DLG2: variants seen among roughly 807,000 people sequenced by gnomAD.
DLG2 encodes disks large homolog 2.
DLG2 carries 45 observed loss-of-function variants against 132.5 expected under a neutral mutation model. The ratio of observed to expected loss-of-function variants is 0.34; its 90% CI spans 0.27 to 0.44. DLG2 has a LOEUF of 0.44. DLG2 is among the 20% of genes least tolerant of loss of function. The pLI is 1.00. For missense variants in DLG2, 1,045 were observed against 1,196.9 expected (o/e 0.87, Z 1.87); for synonymous variants, 424 against 419.6 (o/e 1.01, Z -0.13).
intron 18 of DLG2, among the ~76,000 whole-genome samples, chr11:83,700,008 C>T (rs1178057007): frequency 1.3e-5 from 2 of 151,030 alleles, no homozygotes; most frequent in African/African-American, 2.4e-5. Flanking sequence ...CAGAAAGATA[C>T]ACAAAAACCT....
chr11:83,971,024 A>C (rs567938905), intron 12 of DLG2, among the ~76,000 whole-genome samples: 2 of 152,332 alleles, frequency 1.3e-5, no homozygotes, highest in South Asian at 2.1e-4. Context: ...AACTCTCAAG[A>C]TAAAGGGCCT....
intron 7 of DLG2, among the ~76,000 whole-genome samples, chr11:84,454,751 T>G (rs2099060907): frequency 6.6e-6 from 1 of 151,504 alleles, no homozygotes; most frequent in African/African-American, 2.4e-5. Context: ...ACATTTTGCA[T>G]GATTCCATTT....
At chr11:84,936,161 C>A (rs1030827066) in intron 6 of DLG2, among the ~76,000 whole-genome samples, 1 of 152,088 alleles carries the variant, frequency 6.6e-6, no homozygotes, top group African/African-American at 2.4e-5. Context: ...GCCTACGATA[C>A]TGTATAAGTG....
At chr11:85,024,750 T>C (rs2060373304) in intron 6 of DLG2, among the ~76,000 whole-genome samples, 1 of 152,210 alleles carries the variant, frequency 6.6e-6, no homozygotes, top group African/African-American at 2.4e-5. Context: ...TGGAATTCTG[T>C]CCTTTCTGCA....
At chr11:84,553,907 A>G (rs1442117675) in intron 6 of DLG2, among the ~76,000 whole-genome samples, 1 of 152,212 alleles carries the variant, frequency 6.6e-6, no homozygotes, top group Admixed American at 6.5e-5. Flanking sequence ...TTGAAAGATA[A>G]ATGATAAAGT....
intron 16 of DLG2, among the ~76,000 whole-genome samples, chr11:83,837,194 G>C (rs1373290087): frequency 1.3e-5 from 2 of 152,120 alleles, no homozygotes; most frequent in African/African-American, 4.8e-5. Context: ...CACTGTGCAG[G>C]GGTGGAAGTT....
chr11:84,024,053 A>AGTT (rs1037156980), intron 11 of DLG2, among the ~76,000 whole-genome samples: 2 of 152,142 alleles, frequency 1.3e-5, no homozygotes, highest in Non-Finnish European at 2.9e-5. Flanking sequence ...GGCTGTTCAT[A>AGTT]GTTAAGTTTT....
chr11:84,724,899 T>C (rs900025633), intron 6 of DLG2, among the ~76,000 whole-genome samples: 1 of 152,146 alleles, frequency 6.6e-6, no homozygotes, highest in Non-Finnish European at 1.5e-5. Flanking sequence ...GTAGCCACTA[T>C]CTAATGTTCT....
At chr11:85,212,490 T>C (rs930429413) in intron 4 of DLG2, among the ~76,000 whole-genome samples, 1 of 152,154 alleles carries the variant, frequency 6.6e-6, no homozygotes, top group Non-Finnish European at 1.5e-5. Flanking sequence ...GAGGACTGAC[T>C]GTGCTGACTT....
At chr11:85,098,997 T>C (rs561833731) in intron 6 of DLG2, among the ~76,000 whole-genome samples, 1 of 152,334 alleles carries the variant, frequency 6.6e-6, no homozygotes, top group South Asian at 2.1e-4. Flanking sequence ...TCTAGGCTTA[T>C]AATTTTATAA....
At chr11:83,926,123 G>T (rs182607782) in intron 15 of DLG2, among the ~76,000 whole-genome samples, 2 of 150,746 alleles carry the variant, frequency 1.3e-5, no homozygotes, top group Admixed American at 6.6e-5. Flanking sequence ...TCTTTTAAAC[G>T]GTCTTACAGA....
intron 4 of DLG2, among the ~76,000 whole-genome samples, chr11:85,155,506 C>T (rs1378907561): frequency 2.0e-5 from 3 of 152,066 alleles, no homozygotes; most frequent in South Asian, 2.1e-4. Context: ...GAAAGGGATT[C>T]GTGGAACATC....
intron 22 of DLG2, among the ~76,000 whole-genome samples, chr11:83,478,924 A>G (rs1173572550): frequency 6.6e-6 from 1 of 152,038 alleles, no homozygotes; most frequent in Non-Finnish European, 1.5e-5. Context: ...GGTTTAAAAT[A>G]AAATGAAAAA....
chr11:84,489,869 A>G (rs1482220024), intron 7 of DLG2, among the ~76,000 whole-genome samples: 1 of 152,020 alleles, frequency 6.6e-6, no homozygotes, highest in African/African-American at 2.4e-5. Context: ...CCGGAGGACT[A>G]TAAGAAAGAA....
At chr11:84,275,097 A>T (rs1276281249) in intron 7 of DLG2, among the ~76,000 whole-genome samples, 4 of 152,332 alleles carry the variant, frequency 2.6e-5, no homozygotes, top group Non-Finnish European at 5.9e-5. Flanking sequence ...ATTCTTAAGC[A>T]AATGCTTATC....
chr11:84,887,643 G>A lies in DLG2; in HGVS notation c.357+224018C>T, dbSNP rs570843067. The stretch of plus-strand genomic sequence containing the variant: ...ATGGGCATCAAATGAGTATTTTTCC[G>A]TCAAGCTGTGGAATAATAATACTTT... On this transcript the variant is annotated intron_variant, in intron 6 of 27. Coordinates refer to ENST00000376104, the MANE Select transcript of DLG2 (RefSeq NM_001142699.3). Among the ~76,000 whole-genome samples, 15 of 152,172 alleles carry A rather than the reference G, an allele frequency of 9.9e-5. No homozygotes were observed. The South Asian group carries it at 2.3e-3, about 23-fold the overall frequency.
At chr11:85,236,914 T>G (rs557842726) in intron 4 of DLG2, among the ~76,000 whole-genome samples, 3 of 152,160 alleles carry the variant, frequency 2.0e-5, no homozygotes, top group South Asian at 2.1e-4. Context: ...GTGTTAAAGT[T>G]AAGTCAATCC....
chr11:83,647,265 A>T (rs1194857787), intron 18 of DLG2, among the ~76,000 whole-genome samples: 1 of 149,386 alleles, frequency 6.7e-6, no homozygotes, highest in Non-Finnish European at 1.5e-5. Flanking sequence ...AGTGGGGCTT[A>T]GACAAGGGTG....
rs978759017 is a variant in DLG2 at position 83,726,661 on chromosome 11, C to T, written c.1825+60029G>A. On this transcript the variant is annotated intron_variant, in intron 18 of 27. Transcript: ENST00000376104. ...TCTCTGTTAGACACAGGTATTTGAC[C>T]ATTGCCAAACAGGTCAGCCACAAGT... Among the ~76,000 whole-genome samples, 47 of 152,094 alleles carry T rather than the reference C, an allele frequency of 3.1e-4. 1 individual carries two copies. The highest frequency in any genetic ancestry group is 9.9e-4 in the African/African-American group (41 of 41,404).
Sources: gnomAD v4.1 joint callset for allele counts (sites outside exome capture counted in the v4.1 genomes callset) on GRCh38, gnomAD v4.1.1 for gene constraint, MANE v1.5 for transcripts, NCBI Gene and HGNC (gene_info 2026-07-23, HGNC 2026-07-21) for gene names.